GOLPH3L: variants seen among roughly 807,000 people sequenced by gnomAD.
The protein encoded by GOLPH3L is golgi phosphoprotein 3 like, also known as Golgi phosphoprotein 3-like.
Under a neutral mutation model 30.3 loss-of-function variants are expected in GOLPH3L, and 22 were observed. The ratio of observed to expected loss-of-function variants is 0.73; its 90% CI spans 0.52 to 1.04. GOLPH3L has a LOEUF of 1.04. Ranked by LOEUF, GOLPH3L falls within the 50% of genes least tolerant of loss-of-function variation. The pLI, the probability that GOLPH3L is intolerant of heterozygous loss-of-function variation, is 0.00. For missense variants in GOLPH3L, 303 were observed against 345.8 expected, an observed-to-expected ratio of 0.88 and a Z score of 0.98; for synonymous variants, 120 against 128.2, an observed-to-expected ratio of 0.94 and a Z score of 0.43.
chr1:150,649,270 C>G (rs1650051914), intron 4 of GOLPH3L, among the ~76,000 whole-genome samples: 1 of 152,234 alleles, frequency 6.6e-6, no homozygotes, highest in South Asian at 2.1e-4. Context: ...GGGCTAACAC[C>G]TCTTTCCCCC....
At chr1:150,666,983 T>C (rs1160718364) in intron 2 of GOLPH3L, among the ~76,000 whole-genome samples, 1 of 152,162 alleles carries the variant, frequency 6.6e-6, no homozygotes, top group Non-Finnish European at 1.5e-5. Context: ...GAGGCCTAAA[T>C]TGAGGACATC....
chr1:150,678,716 TGCCACCGA>T (rs1650877851), intron 2 of GOLPH3L, among the ~76,000 whole-genome samples: 1 of 152,192 alleles, frequency 6.6e-6, no homozygotes, highest in Non-Finnish European at 1.5e-5. Flanking sequence ...CGGTGGCTCA[TGCCACCGA>T]GGCAAGCAGA....
chr1:150,671,623 T>C (rs587665770), intron 2 of GOLPH3L, among the ~76,000 whole-genome samples: 2 of 151,956 alleles, frequency 1.3e-5, no homozygotes, highest in African/African-American at 4.8e-5. Context: ...CTGGCCAACA[T>C]GGTGAAACAC....
intron 2 of GOLPH3L, among the ~76,000 whole-genome samples, chr1:150,690,632 T>C (rs1318569100): frequency 6.6e-6 from 1 of 152,196 alleles, no homozygotes; most frequent in African/African-American, 2.4e-5. Flanking sequence ...TTTACTGATT[T>C]TGAATCCCAT....
chr1:150,695,846 C>A (rs1200076662), intron 1 of GOLPH3L, among the ~76,000 whole-genome samples: 6 of 150,622 alleles, frequency 4.0e-5, no homozygotes, highest in African/African-American at 1.5e-4. Flanking sequence ...ACACAAGGAG[C>A]TGCAAACAAA....
At chr1:150,656,121 T>C (rs1042369964) in intron 4 of GOLPH3L, among the ~76,000 whole-genome samples, 1 of 152,364 alleles carries the variant, frequency 6.6e-6, no homozygotes, top group East Asian at 1.9e-4. Context: ...ATTCACTATA[T>C]GGATGATGTA....
At chr1:150,659,933 G>A (rs1210723104) in intron 4 of GOLPH3L, among the ~76,000 whole-genome samples, 3 of 152,022 alleles carry the variant, frequency 2.0e-5, no homozygotes, top group African/African-American at 7.3e-5. Flanking sequence ...TACTTGGGAG[G>A]CTGAGGTGGG....
chr1:150,650,308 T>C (rs1650076480), intron 4 of GOLPH3L, among the ~76,000 whole-genome samples: 1 of 152,118 alleles, frequency 6.6e-6, no homozygotes, highest in Non-Finnish European at 1.5e-5. Context: ...CAAGAAAATA[T>C]GAGCAGTGAC....
Position 150,648,511 on chromosome 1 carries a change from A to G in GOLPH3L, c.668T>C (p.Leu223Pro), listed in dbSNP as rs2101771373. The G allele has an allele frequency of 1.2e-6, 2 of 1,613,882 alleles. No homozygotes were observed. Among genetic ancestry groups the G allele is most frequent in the Non-Finnish European group, 1.7e-6 (2 of 1,179,800 alleles). ...NDPQRMDKRT[L>P]ALLVLAHSSD... is the part of the protein sequence containing the mutation. ...GGAGTGGGCTAGCACCAGGAGTGCT[A>G]GTGTTCGCTTGTCCATACGCTGAGG... Residue 223 changes from leucine (L) to proline (P), a missense_variant, in exon 5 of 5, where the codon CTA becomes CCA. Leu to Pro is a moderately conservative substitution (Grantham distance 98, BLOSUM62 -3). Transcript: ENST00000271732.
intron 3 of GOLPH3L, among the ~76,000 whole-genome samples, chr1:150,662,294 C>T (rs986082886): frequency 6.6e-5 from 10 of 151,828 alleles, no homozygotes; most frequent in African/African-American, 1.9e-4. Flanking sequence ...GGTGGATCAC[C>T]TGAGCTCAGG....
At chr1:150,667,051 A>G (rs929609037) in intron 2 of GOLPH3L, among the ~76,000 whole-genome samples, 1 of 152,158 alleles carries the variant, frequency 6.6e-6, no homozygotes, top group Non-Finnish European at 1.5e-5. Flanking sequence ...GGATTGTGGG[A>G]GTGCCACACA....
chr1:150,679,558 G>A (rs1414973145), intron 2 of GOLPH3L, among the ~76,000 whole-genome samples: 1 of 152,162 alleles, frequency 6.6e-6, no homozygotes, highest in East Asian at 1.9e-4. Context: ...TAGCACTTTG[G>A]GAGACCGAAG....
chr1:150,651,675 CAA>C (rs896483681), intron 4 of GOLPH3L, among the ~76,000 whole-genome samples: 2 of 108,278 alleles, frequency 1.8e-5, no homozygotes, highest in African/African-American at 6.9e-5. Flanking sequence ...GTACAACAAA[CAA>C]AATGAAAAAA....
intron 1 of GOLPH3L, among the ~76,000 whole-genome samples, chr1:150,695,285 C>T (rs587670511): frequency 3.3e-5 from 5 of 152,126 alleles, no homozygotes; most frequent in African/African-American, 7.2e-5. Flanking sequence ...TACAGGTGTG[C>T]GCCACCATGT....
chr1:150,651,009 CAG>C lies in GOLPH3L; in HGVS notation c.431-2263_431-2262del, dbSNP rs143461940. Among the ~76,000 whole-genome samples, 841 of 152,230 alleles carry C rather than the reference CAG, an allele frequency of 5.5e-3. 72 individuals carry two copies. The East Asian group carries it at 0.15, about 28-fold the overall frequency. On this transcript the variant is annotated intron_variant, in intron 4 of 4. Transcript: ENST00000271732. ...ATCATATAGAGAATATAAATAAAGACAGAAATTATAAAAAAGATCCATTTAGA... is the reference window on the plus strand; with the variant it reads ...ATCATATAGAGAATATAAATAAAGACAAATTATAAAAAAGATCCATTTAGA...
chr1:150,678,284 C>CAAAAAAAAAAAAA (rs75131824), intron 2 of GOLPH3L, among the ~76,000 whole-genome samples: 11 of 45,924 alleles, frequency 2.4e-4, no homozygotes, highest in Non-Finnish European at 3.3e-4. Context: ...AACTCCGTCT[C>CAAAAAAAAAAAAA]AAAAAAAAAA....
chr1:150,663,551 T>C, intron 3 of GOLPH3L, 81 bp downstream of exon 3: 1 of 1,309,552 alleles, frequency 7.6e-7, no homozygotes, highest in Non-Finnish European at 1.1e-6. Context: ...ATCTTACTAC[T>C]CAAATCTTTC....
intron 4 of GOLPH3L, among the ~76,000 whole-genome samples, chr1:150,659,913 T>C (rs922087813): frequency 1.3e-5 from 2 of 151,964 alleles, no homozygotes; most frequent in Admixed American, 6.6e-5. Flanking sequence ...TGCGCACCCA[T>C]AGTCCCAGTT....
Position 150,681,210 on chromosome 1 carries a change from C to A in GOLPH3L, c.183+13446G>T, listed in dbSNP as rs183616320. Among the ~76,000 whole-genome samples, 168 of 152,198 alleles carry A rather than the reference C, an allele frequency of 1.1e-3. 2 individuals are homozygous for A. The South Asian group carries it at 0.023, about 21-fold the overall frequency. On this transcript the variant is annotated intron_variant, in intron 2 of 4. Coordinates refer to ENST00000271732, the MANE Select transcript of GOLPH3L (RefSeq NM_018178.6). ...TAGCACTATTAAGTCAATATTATCT[C>A]TATTAAATAAGAATGAAGGGAAAAA...
Sources: allele counts gnomAD v4.1 joint callset (sites outside exome capture counted in the v4.1 genomes callset), GRCh38; gene constraint gnomAD v4.1.1; transcripts MANE v1.5; gene names NCBI Gene and HGNC (gene_info 2026-07-23, HGNC 2026-07-21).